KCNH5: variants seen among roughly 807,000 people sequenced by gnomAD.
The protein encoded by KCNH5 is potassium voltage-gated channel subfamily H member 5.
KCNH5 carries 46 observed loss-of-function variants against 96.1 expected under a neutral mutation model. The observed-to-expected ratio is 0.48, with a 90% confidence interval of 0.38 to 0.61. KCNH5 has a LOEUF of 0.61. Among genes scored for constraint, KCNH5 ranks in the 20% least tolerant of loss-of-function variants. The pLI is 0.00. For synonymous variants in KCNH5, 439 were observed against 449.8 expected (o/e 0.98, Z 0.30); for missense variants, 907 against 1,225.8 (o/e 0.74, Z 3.88).
At chr14:62,741,792 T>C (rs1254427387) in intron 10 of KCNH5, among the ~76,000 whole-genome samples, 1 of 152,172 alleles carries the variant, frequency 6.6e-6, no homozygotes, top group Admixed American at 6.6e-5. Flanking sequence ...GCCTCTACAT[T>C]TGTGTTTTAA....
At chr14:62,794,219 T>TA (rs1437856524) in intron 9 of KCNH5, among the ~76,000 whole-genome samples, 22 of 152,056 alleles carry the variant, frequency 1.4e-4, no homozygotes, top group Admixed American at 1.3e-4. Flanking sequence ...CGTATACTGT[T>TA]ATGGTGCCTA....
chr14:62,779,972 A>G, intron 9 of KCNH5, 48 bp from the exon 10 acceptor site: 1 of 1,460,840 alleles, frequency 6.8e-7, no homozygotes, highest in Non-Finnish European at 9.3e-7. Context: ...CACTGTTCTT[A>G]TTTAATCACT....
chr14:62,871,455 C>T (rs958555715), intron 7 of KCNH5, among the ~76,000 whole-genome samples: 2 of 152,178 alleles, frequency 1.3e-5, no homozygotes, highest in East Asian at 3.9e-4. Flanking sequence ...GATTGAAAGA[C>T]AGTTCAATTA....
At chr14:62,769,876 A>G (rs1224231196) in intron 10 of KCNH5, among the ~76,000 whole-genome samples, 1 of 152,230 alleles carries the variant, frequency 6.6e-6, no homozygotes, top group Non-Finnish European at 1.5e-5. Flanking sequence ...TTAGTTGAAA[A>G]ATAGAAATGT....
chr14:62,723,779 C>A (rs1884865108), intron 10 of KCNH5, among the ~76,000 whole-genome samples: 1 of 152,176 alleles, frequency 6.6e-6, no homozygotes, highest in African/African-American at 2.4e-5. Flanking sequence ...GTAAATCATT[C>A]TTTATTTTAT....
intron 1 of KCNH5, among the ~76,000 whole-genome samples, chr14:63,034,522 T>C (rs1480764915): frequency 2.0e-5 from 3 of 152,236 alleles, no homozygotes; most frequent in African/African-American, 4.8e-5. Context: ...TGTGCAGACA[T>C]ACTTCGTACC....
At chr14:62,751,551 C>T (rs1331595798) in intron 10 of KCNH5, among the ~76,000 whole-genome samples, 1 of 152,188 alleles carries the variant, frequency 6.6e-6, no homozygotes, top group Non-Finnish European at 1.5e-5. Flanking sequence ...AATCCCTCTT[C>T]CATGGCCAGT....
At chr14:62,932,111 C>A (rs1889591753) in intron 7 of KCNH5, among the ~76,000 whole-genome samples, 1 of 152,124 alleles carries the variant, frequency 6.6e-6, no homozygotes, top group South Asian at 2.1e-4. Flanking sequence ...AAGTCCACAG[C>A]CACAAATCAG....
chr14:62,955,909 G>C (rs1890095439), intron 6 of KCNH5, among the ~76,000 whole-genome samples: 1 of 152,138 alleles, frequency 6.6e-6, no homozygotes, highest in South Asian at 2.1e-4. Context: ...CAAAGACACA[G>C]TTAGCAAGGA....
intron 6 of KCNH5, among the ~76,000 whole-genome samples, chr14:62,973,119 A>C (rs965252309): frequency 1.2e-5 from 1 of 85,898 alleles, no homozygotes; most frequent in Admixed American, 9.9e-5. Flanking sequence ...CAAAGGGTAC[A>C]GTACATGGGA....
chr14:62,875,930 A>G lies in KCNH5; in HGVS notation c.1370-26078T>C, dbSNP rs150072609. On this transcript the variant is annotated intron_variant, in intron 7 of 10. Transcript: ENST00000322893. ...CATGCCTGTATCCCAGCACTTTGGG[A>G]GGCCGAGGCAGGCAAATCATGAGGT... Among the ~76,000 whole-genome samples, 852 of 152,298 alleles carry G rather than the reference A, an allele frequency of 5.6e-3. 10 individuals carry two copies. The highest frequency in any genetic ancestry group is 0.019 in the African/African-American group (778 of 41,564).
intron 7 of KCNH5, among the ~76,000 whole-genome samples, chr14:62,877,995 C>T (rs1322244123): frequency 9.2e-5 from 14 of 151,804 alleles, no homozygotes; most frequent in African/African-American, 3.1e-4. Flanking sequence ...CACATATACA[C>T]CATGGAATAC....
At chr14:62,823,724 G>A (rs139224037) in intron 8 of KCNH5, among the ~76,000 whole-genome samples, 185 of 152,044 alleles carry the variant, frequency 1.2e-3, no homozygotes, top group African/African-American at 4.0e-3. Flanking sequence ...TCTGCTGAAT[G>A]GTTTTGCTTT....
intron 10 of KCNH5, among the ~76,000 whole-genome samples, chr14:62,727,090 C>G (rs536338010): frequency 6.6e-6 from 1 of 152,110 alleles, no homozygotes; most frequent in Non-Finnish European, 1.5e-5. Context: ...TAGGGGCAGG[C>G]AGAGTGGCTT....
At chr14:62,767,846 G>A (rs1885894198) in intron 10 of KCNH5, among the ~76,000 whole-genome samples, 1 of 152,100 alleles carries the variant, frequency 6.6e-6, no homozygotes, top group South Asian at 2.1e-4. Context: ...AATGTGATAT[G>A]TATACACACA....
At chr14:62,814,761 C>T (rs183609) in intron 8 of KCNH5, among the ~76,000 whole-genome samples, 32 of 108,304 alleles carry the variant, frequency 3.0e-4, no homozygotes, top group African/African-American at 8.4e-4. Flanking sequence ...CCAGCCTGGG[C>T]GACAAAGCGA....
intron 7 of KCNH5, among the ~76,000 whole-genome samples, chr14:62,910,941 A>ACACACACACACCCC (rs61033705): frequency 1.6e-4 from 22 of 140,888 alleles, no homozygotes; most frequent in East Asian, 6.4e-4. Flanking sequence ...ACACACACAC[A>ACACACACACACCCC]CCCCTCTGTT....
intron 10 of KCNH5, among the ~76,000 whole-genome samples, chr14:62,747,120 G>T (rs549353273): frequency 6.6e-6 from 1 of 152,010 alleles, no homozygotes; most frequent in East Asian, 1.9e-4. Flanking sequence ...GATCACCTGA[G>T]GTCAGGAGTT....
chr14:62,904,136 T>C (rs1385525204), intron 7 of KCNH5, among the ~76,000 whole-genome samples: 1 of 152,192 alleles, frequency 6.6e-6, no homozygotes. Flanking sequence ...ATCGTCTTCA[T>C]TAAGAATGCA....
Sources: allele counts gnomAD v4.1 joint callset (sites outside exome capture counted in the v4.1 genomes callset), GRCh38; gene constraint gnomAD v4.1.1; transcripts MANE v1.5; gene names NCBI Gene and HGNC (gene_info 2026-07-23, HGNC 2026-07-21).